The following ECPAS variants were observed in gnomAD, a reference collection of about 807,000 sequenced individuals.
ECPAS encodes Ecm29 proteasome adaptor and scaffold, also known as proteasome adapter and scaffold protein ECM29.
A neutral mutation model predicts 255.1 loss-of-function variants in ECPAS; 70 were observed. The ratio of observed to expected loss-of-function variants is 0.27; its 90% CI spans 0.23 to 0.33. The LOEUF (loss-of-function observed/expected upper bound fraction) is 0.33, where lower values mean the gene tolerates loss of function less well. Ranked by LOEUF, ECPAS falls within the 10% of genes least tolerant of loss-of-function variation. The pLI, the probability that ECPAS is intolerant of heterozygous loss-of-function variation, is 1.00. For missense variants in ECPAS, 1,817 were observed against 2,206.4 expected (o/e 0.82, Z 3.54); for synonymous variants, 784 against 775.0 (o/e 1.01, Z -0.19).
At chr9:111,368,412 T>C (rs1467642984) in intron 46 of ECPAS, among the ~76,000 whole-genome samples, 1 of 152,296 alleles carries the variant, frequency 6.6e-6, no homozygotes, top group Middle Eastern at 3.4e-3. Context: ...TTCCTCTGAA[T>C]AGAGCTATGA....
At chr9:111,404,649 G>A (rs1424438805) in intron 24 of ECPAS, among the ~76,000 whole-genome samples, 2 of 149,016 alleles carry the variant, frequency 1.3e-5, no homozygotes, top group African/African-American at 5.1e-5. Context: ...GTTTCCTGAG[G>A]CCTTCCCAGC....
Position 111,437,009 on chromosome 9 carries a change from C to A in ECPAS, c.639G>T (p.Pro213=). 1 of 1,613,068 alleles carries A rather than the reference C, an allele frequency of 6.2e-7. No homozygotes were observed. The highest frequency in any genetic ancestry group is 1.1e-5 in the South Asian group (1 of 90,884). The part of the protein sequence containing the change: ...GGGSGIPQPP[P]GMSFYAAKRV... ...GTTTGGCTGCATAAAAGCTCATTCC[C>A]GGAGGAGGCTGTGGGATTCCAGAAC... is the stretch of plus-strand genomic sequence containing the variant. Residue 213 remains proline, a synonymous_variant, in exon 7 of 50, where the codon CCG becomes CCT. Coordinates refer to ENST00000684092, the MANE Select transcript of ECPAS (RefSeq NM_001364929.1).
In ECPAS at chr9:111,455,255, A is replaced by C. The variant is rs146390278; in HGVS notation, c.23-3700T>G. ...ATCCCAGCACTTTGGGAGGCCAAGG[A>C]GGGCAGATCATGAGGTCAGGAGATA... is the stretch of plus-strand genomic sequence containing the variant. On this transcript the variant is annotated intron_variant, in intron 2 of 49. Coordinates refer to ENST00000684092, the MANE Select transcript of ECPAS (RefSeq NM_001364929.1). 7.3e-3 allele frequency among the ~76,000 whole-genome samples: 1,111 copies of C among 152,234 alleles called. 5 individuals carry two copies. Among genetic ancestry groups the C allele is most frequent in the Non-Finnish European group, 0.012 (803 of 68,008 alleles).
At chr9:111,454,882 T>C (rs1027298713) in intron 2 of ECPAS, among the ~76,000 whole-genome samples, 1 of 151,948 alleles carries the variant, frequency 6.6e-6, no homozygotes, top group Non-Finnish European at 1.5e-5. Context: ...TTTTTTATTT[T>C]TTGTAGAGAC....
At chr9:111,480,874 G>A (rs893123829) in intron 1 of ECPAS, among the ~76,000 whole-genome samples, 7 of 152,158 alleles carry the variant, frequency 4.6e-5, no homozygotes, top group African/African-American at 7.2e-5. Context: ...CTAGAGCCAG[G>A]AAATCCCTTA....
chr9:111,370,668 T>C (rs1025377350), intron 44 of ECPAS, 41 bp from the exon 45 acceptor site: 14 of 1,605,738 alleles, frequency 8.7e-6, no homozygotes, highest in Non-Finnish European at 1.1e-5. Context: ...TAATAAAGGC[T>C]GCAGTTTTCG....
In ECPAS at chr9:111,421,987, C is replaced by A; in HGVS notation, c.1389G>T (p.Ala463=). Residue 463 remains alanine (A), a synonymous_variant, in exon 15 of 50, where the codon GCG becomes GCT. Coordinates refer to ENST00000684092, the MANE Select transcript of ECPAS (RefSeq NM_001364929.1). ...IQEALSMMVG[A]YSTLEGAQRT... is the part of the protein sequence containing the mutation. ...GCTGTGCCCCTTCCAAAGTACTATACGCTCCAACCATCATAGATAAAGCTT... is the reference window on the plus strand; with the variant it reads ...GCTGTGCCCCTTCCAAAGTACTATAAGCTCCAACCATCATAGATAAAGCTT... The A allele has an allele frequency of 6.2e-7, 1 of 1,613,684 alleles. No individual in the cohort carries two copies. The highest frequency in any genetic ancestry group is 8.5e-7 in the Non-Finnish European group (1 of 1,179,760).
chr9:111,413,849 G>T, intron 20 of ECPAS, 46 bp downstream of exon 20: 1 of 1,186,318 alleles, frequency 8.4e-7, no homozygotes, highest in Non-Finnish European at 1.2e-6. Flanking sequence ...TGAAGTTAAG[G>T]TCTGAAATAG....
intron 24 of ECPAS, among the ~76,000 whole-genome samples, chr9:111,397,578 A>G (rs990314299): frequency 2.0e-5 from 3 of 152,236 alleles, no homozygotes; most frequent in Non-Finnish European, 4.4e-5. Flanking sequence ...GGGGCATAAT[A>G]TCGTCATCCA....
chr9:111,397,723 T>G (rs1019141490), intron 24 of ECPAS, among the ~76,000 whole-genome samples: 1 of 152,200 alleles, frequency 6.6e-6, no homozygotes, highest in African/African-American at 2.4e-5. Context: ...ATTTAACTCT[T>G]TGCACTCTTA....
intron 29 of ECPAS, among the ~76,000 whole-genome samples, chr9:111,390,652 T>C (rs889047360): frequency 6.6e-6 from 1 of 152,188 alleles, no homozygotes; most frequent in Admixed American, 6.5e-5. Context: ...GATAACAGTG[T>C]ACTGTGGGGG....
chr9:111,479,737 G>GT (rs1334005864), intron 1 of ECPAS, among the ~76,000 whole-genome samples: 3 of 151,920 alleles, frequency 2.0e-5, no homozygotes, highest in Non-Finnish European at 4.4e-5. Context: ...TCCCAGCACT[G>GT]TGGGAGGCTG....
rs528635981 is a variant in ECPAS at position 111,425,848 on chromosome 9, G to C, written c.1051-20C>G. 7.0e-6 allele frequency: 8 copies of C among 1,150,248 alleles called. No homozygotes were observed. The highest frequency in any genetic ancestry group is 1.4e-5 in the South Asian group (1 of 70,538). 71.3% of individuals were successfully genotyped at this position (1,150,248 alleles called of 1,614,324 possible). A position where few individuals can be genotyped will look rare whatever the true frequency, so the allele number is the denominator to read the frequency against. The stretch of plus-strand genomic sequence containing the variant: ...CACCACCTATGTAAAATGAAGAGTT[G>C]AGAACATCAATTAATAAAAATAAGA... On this transcript the variant is annotated intron_variant, in intron 10 of 49. Coordinates refer to ENST00000684092, the MANE Select transcript of ECPAS (RefSeq NM_001364929.1).
At chr9:111,482,833 G>C (rs1336626523) in intron 1 of ECPAS, among the ~76,000 whole-genome samples, 2 of 146,618 alleles carry the variant, frequency 1.4e-5, no homozygotes, top group Non-Finnish European at 3.0e-5. Context: ...CGGCGGGCGG[G>C]GCGGCCTGGG....
At chr9:111,364,088 G>A (rs560636842) in intron 48 of ECPAS, among the ~76,000 whole-genome samples, 1 of 152,194 alleles carries the variant, frequency 6.6e-6, no homozygotes, top group East Asian at 1.9e-4. Context: ...ACTCAGCAAA[G>A]AGAGGTCTGT....
intron 7 of ECPAS, among the ~76,000 whole-genome samples, chr9:111,435,373 G>C (rs1280430754): frequency 6.6e-6 from 1 of 152,128 alleles, no homozygotes; most frequent in East Asian, 1.9e-4. Flanking sequence ...ACTAGATTAT[G>C]AAACTGACAA....
intron 7 of ECPAS, among the ~76,000 whole-genome samples, chr9:111,433,646 G>A (rs2098233403): frequency 1.3e-5 from 2 of 152,100 alleles, no homozygotes; most frequent in South Asian, 2.1e-4. Context: ...ACTGGTAAAC[G>A]ACGATGGCAG....
At position 111,361,747 on chromosome 9, in the gene ECPAS, T is replaced by C. The variant is rs1399484764; in HGVS notation, c.*283A>G. On this transcript the variant is annotated 3_prime_UTR_variant, in exon 50 of 50. Transcript: ENST00000684092. ...CAACTCTGTCTATTAATTCCTTTAA[T>C]AACAGCTTGAACTCTTTTAGTAACT... The C allele has an allele frequency of 4.2e-6, 1 of 237,556 alleles. No individual in the cohort carries two copies. Among genetic ancestry groups the C allele is most frequent in the South Asian group, 1.4e-4 (1 of 7,358 alleles). 14.7% of individuals were successfully genotyped at this position (237,556 alleles called of 1,614,324 possible). A position where few individuals can be genotyped will look rare whatever the true frequency, so the allele number is the denominator to read the frequency against.
In ECPAS at chr9:111,484,102, G is replaced by A; in HGVS notation, c.-83+14C>T. On this transcript the variant is annotated intron_variant, in intron 1 of 49. Coordinates refer to ENST00000684092, the MANE Select transcript of ECPAS (RefSeq NM_001364929.1). ...CAGGGCCAGTCCCCCGCGGCCCGGG[G>A]GCGGGCCTCTGACCTGAGTCGGAGC... 7.4e-7 allele frequency: 1 copy of A among 1,352,128 alleles called. No homozygotes were observed. The highest frequency in any genetic ancestry group is 3.4e-5 in the East Asian group (1 of 29,822). 83.8% of individuals were successfully genotyped at this position (1,352,128 alleles called of 1,614,324 possible).
Sources: allele counts gnomAD v4.1 joint callset (sites outside exome capture counted in the v4.1 genomes callset), GRCh38; gene constraint gnomAD v4.1.1; transcripts MANE v1.5; gene names NCBI Gene and HGNC (gene_info 2026-07-23, HGNC 2026-07-21).